SHTN1: variants seen among roughly 807,000 people sequenced by gnomAD.
SHTN1 encodes shootin-1.
A neutral mutation model predicts 83.1 loss-of-function variants in SHTN1; 42 were observed. The ratio of observed to expected loss-of-function variants is 0.51; its 90% confidence interval spans 0.39 to 0.65. SHTN1 has a LOEUF of 0.65. SHTN1 is among the 30% of genes least tolerant of loss of function. The pLI is 0.00. For missense variants in SHTN1, 622 were observed against 737.8 expected (o/e 0.84, Z 1.82); for synonymous variants, 224 against 247.7 (o/e 0.90, Z 0.90).
chr10:117,017,022 C>A (rs1225609077), intron 2 of SHTN1, among the ~76,000 whole-genome samples: 1 of 152,094 alleles, frequency 6.6e-6, no homozygotes, highest in African/African-American at 2.4e-5. Context: ...AGAATCAGGG[C>A]TCTTTTGAGA....
rs748674114 is a variant in SHTN1 at position 116,979,318 on chromosome 10, A to G, written c.59-10T>C. 3.7e-6 allele frequency: 6 copies of G among 1,612,498 alleles called. No individual in the cohort carries two copies. The East Asian group carries it at 1.1e-4, about 30-fold the overall frequency. On this transcript the variant is annotated splice_polypyrimidine_tract_variant and intron_variant, in intron 1 of 16. Coordinates refer to ENST00000355371, the MANE Select transcript of SHTN1 (RefSeq NM_001127211.3). ...TCATATTCGCCTATTGCTAAAAGAA[A>G]AAAGGAAAGCAACATTACAACACTG...
intron 1 of SHTN1, among the ~76,000 whole-genome samples, chr10:116,982,112 A>T (rs1036824973): frequency 1.3e-5 from 2 of 152,158 alleles, no homozygotes; most frequent in African/African-American, 2.4e-5. Flanking sequence ...ACATTAAGAA[A>T]TTTTTTCTAT....
At chr10:116,925,106 ATTTT>A (rs1367610066) in intron 11 of SHTN1, among the ~76,000 whole-genome samples, 1 of 152,130 alleles carries the variant, frequency 6.6e-6, no homozygotes, top group African/African-American at 2.4e-5. Context: ...TGTGATAGTT[ATTTT>A]GTGTGTCAAC....
chr10:116,978,982 G>A (rs1340451686), intron 2 of SHTN1, among the ~76,000 whole-genome samples: 1 of 152,184 alleles, frequency 6.6e-6, no homozygotes, highest in Non-Finnish European at 1.5e-5. Context: ...GATTCCTGGG[G>A]ACTTGAGTTG....
chr10:116,924,377 G>A (rs1011746803), intron 11 of SHTN1, among the ~76,000 whole-genome samples: 11 of 147,000 alleles, frequency 7.5e-5, no homozygotes, highest in African/African-American at 2.4e-4. Flanking sequence ...GATGAAGCAG[G>A]AATTTATCTG....
chr10:117,119,018 T>C (rs1049304255), intron 1 of SHTN1, among the ~76,000 whole-genome samples: 3 of 152,228 alleles, frequency 2.0e-5, no homozygotes, highest in Non-Finnish European at 2.9e-5. Context: ...AATTAAATCC[T>C]GTCATTTGCA....
At chr10:117,109,532 C>A (rs1245225181) in intron 1 of SHTN1, among the ~76,000 whole-genome samples, 7 of 130,190 alleles carry the variant, frequency 5.4e-5, no homozygotes, top group Non-Finnish European at 1.1e-4. Flanking sequence ...TAAAATTTTC[C>A]AAAGGCATTA....
chr10:116,960,971 C>T (rs923861671), intron 3 of SHTN1, among the ~76,000 whole-genome samples: 1 of 152,022 alleles, frequency 6.6e-6, no homozygotes, highest in Non-Finnish European at 1.5e-5. Context: ...TTGAGATTTA[C>T]AGGTATAAAG....
chr10:116,911,180 A>G (rs1023027164), intron 14 of SHTN1, among the ~76,000 whole-genome samples: 8 of 152,242 alleles, frequency 5.3e-5, no homozygotes, highest in African/African-American at 1.9e-4. Flanking sequence ...AGAGTGCAGT[A>G]GCCGCTGATT....
chr10:117,116,257 C>T (rs150787854), intron 1 of SHTN1, among the ~76,000 whole-genome samples: 1 of 150,538 alleles, frequency 6.6e-6, no homozygotes, highest in East Asian at 1.9e-4. Flanking sequence ...CACAGAAACA[C>T]AAAGAATCAT....
At chr10:116,964,629 T>C (rs1850324477) in intron 3 of SHTN1, among the ~76,000 whole-genome samples, 1 of 152,208 alleles carries the variant, frequency 6.6e-6, no homozygotes, top group African/African-American at 2.4e-5. Flanking sequence ...AGTTGGCATA[T>C]ATGTAGGAAA....
intron 1 of SHTN1, among the ~76,000 whole-genome samples, chr10:117,122,249 C>A (rs1216100466): frequency 2.0e-5 from 3 of 152,148 alleles, no homozygotes; most frequent in Admixed American, 6.5e-5. Flanking sequence ...AACACTGCTA[C>A]TGCTCATGCA....
chr10:117,071,174 A>T (rs1233637068), intron 1 of SHTN1, among the ~76,000 whole-genome samples: 1 of 152,180 alleles, frequency 6.6e-6, no homozygotes, highest in Non-Finnish European at 1.5e-5. Flanking sequence ...TTGTCTTTTT[A>T]AAGTAATTTT....
intron 1 of SHTN1, among the ~76,000 whole-genome samples, chr10:117,073,442 T>C (rs768658991): frequency 5.9e-5 from 9 of 152,196 alleles, no homozygotes; most frequent in Non-Finnish European, 8.8e-5. Flanking sequence ...GCTAAGCAGA[T>C]AGATGATGTG....
At chr10:116,918,752 A>C (rs754853283) in intron 12 of SHTN1, among the ~76,000 whole-genome samples, 41 of 152,298 alleles carry the variant, frequency 2.7e-4, no homozygotes, top group Non-Finnish European at 4.9e-4. Flanking sequence ...CAATCCTGTG[A>C]AATAGGAAAT....
At chr10:116,934,402 C>T (rs1226969186) in intron 9 of SHTN1, among the ~76,000 whole-genome samples, 1 of 152,150 alleles carries the variant, frequency 6.6e-6, no homozygotes, top group African/African-American at 2.4e-5. Context: ...CCCGTTTTCC[C>T]AACACCATTT....
chr10:116,899,142 A>G (rs1847629587), intron 16 of SHTN1, among the ~76,000 whole-genome samples: 2 of 152,212 alleles, frequency 1.3e-5, no homozygotes, highest in South Asian at 4.1e-4. Flanking sequence ...CCAGTAGACA[A>G]AACAGGAAAA....
chr10:117,089,325 A>G (rs1037730804), intron 1 of SHTN1, among the ~76,000 whole-genome samples: 7 of 152,222 alleles, frequency 4.6e-5, no homozygotes, highest in African/African-American at 1.7e-4. Flanking sequence ...AAAATTTAAT[A>G]AAAAGTAATT....
intron 2 of SHTN1, among the ~76,000 whole-genome samples, chr10:117,027,566 T>C (rs1302945309): frequency 1.3e-5 from 2 of 152,090 alleles, no homozygotes; most frequent in African/African-American, 2.4e-5. Context: ...TGGTGTGATG[T>C]TGGCTCACTA....
Sources: allele counts gnomAD v4.1 joint callset (sites outside exome capture counted in the v4.1 genomes callset), GRCh38; gene constraint gnomAD v4.1.1; transcripts MANE v1.5; gene names NCBI Gene and HGNC (gene_info 2026-07-23, HGNC 2026-07-21).